Variants in MIER2 observed in about 807,000 individuals in gnomAD.
The protein encoded by MIER2 is MIER family member 2.
MIER2 carries 30 observed loss-of-function variants against 67.6 expected under a neutral mutation model. The observed-to-expected ratio is 0.44, with a 90% CI of 0.33 to 0.60. The LOEUF is 0.60. Ranked by LOEUF, MIER2 falls within the 20% of genes least tolerant of loss-of-function variation. The pLI, the probability that MIER2 is intolerant of heterozygous loss-of-function variation, is 0.02. For missense variants in MIER2, 702 were observed against 745.1 expected (o/e 0.94, Z 0.67); for synonymous variants, 372 against 312.6 (o/e 1.19, Z -2.00).
At chr19:323,710 G>A (rs546865165) in intron 7 of MIER2, among the ~76,000 whole-genome samples, 20 of 130,762 alleles carry the variant, frequency 1.5e-4, no homozygotes, top group South Asian at 7.9e-4. Context: ...CAAGACACAC[G>A]CAACCACACA....
At chr19:344,092 T>C (rs1972628609) in intron 1 of MIER2, 1 of 985,322 alleles carries the variant, frequency 1.0e-6, no homozygotes, top group Non-Finnish European at 1.2e-6. Flanking sequence ...GCTTGTTTCC[T>C]GGACGAGGGA....
chr19:307,693 C>T (rs974465279), intron 12 of MIER2, among the ~76,000 whole-genome samples, 157 bp from the exon 13 acceptor site: 3 of 152,316 alleles, frequency 2.0e-5, no homozygotes, highest in Non-Finnish European at 4.4e-5. Flanking sequence ...CTGAAATCCG[C>T]GAGCCCCAGG....
At chr19:327,323 T>C (rs7250846) in intron 4 of MIER2, 67 bp from the exon 5 acceptor site, 151,258 of 1,522,184 alleles carry the variant, frequency 0.099, 9,430 homozygotes, top group African/African-American at 0.27. Context: ...CCACTAATGA[T>C]AACAACAGTA....
At chr19:311,259 T>G (rs868639951) in intron 10 of MIER2, among the ~76,000 whole-genome samples, 2 of 152,206 alleles carry the variant, frequency 1.3e-5, no homozygotes, top group South Asian at 4.1e-4. Flanking sequence ...GCCAGAGATG[T>G]CTGACTGCCA....
intron 7 of MIER2, among the ~76,000 whole-genome samples, chr19:320,396 G>GATAC (rs1457956762): frequency 6.6e-6 from 1 of 151,334 alleles, no homozygotes; most frequent in Non-Finnish European, 1.5e-5. Context: ...TAAATAGATA[G>GATAC]ATAGATAAAT....
In MIER2 at chr19:327,257, C is replaced by CT. The variant is rs1250805972; in HGVS notation, c.370-2dup. 2.6e-6 allele frequency: 4 copies of CT among 1,561,554 alleles called. No individual in the cohort carries two copies. The highest frequency in any genetic ancestry group is 2.2e-5 in the Admixed American group (1 of 46,318). ...AAAGCAAATCCTTCGCTATTTGTTC[C>CT]TTTAAAAAAAAAAAAAAAAGTAAAG... is the stretch of plus-strand genomic sequence containing the variant. On this transcript the variant is annotated splice_acceptor_variant, in intron 4 of 13. Coordinates refer to ENST00000264819, the MANE Select transcript of MIER2 (RefSeq NM_017550.3). LOFTEE classifies it high-confidence loss of function.
At position 308,934 on chromosome 19, in the gene MIER2, A is replaced by G. The variant is rs2145331645; in HGVS notation, c.985-9T>C. The G allele has an allele frequency of 1.9e-6, 3 of 1,592,870 alleles. No homozygotes were observed. The highest frequency in any genetic ancestry group is 2.2e-5 in the South Asian group (2 of 90,370). ...ACTGACCGTGTGCGCACCTGCGGGG[A>G]GGGGTCAGGAGCCATCTCTGTCCCC... On this transcript the variant is annotated splice_polypyrimidine_tract_variant and intron_variant, in intron 10 of 13. Coordinates refer to ENST00000264819, the MANE Select transcript of MIER2 (RefSeq NM_017550.3). The surrounding 1 kb of genome is among the most constrained non-coding windows in gnomAD (Gnocchi z 9.1).
In MIER2 at chr19:308,709, GC is replaced by G. The variant is rs746842486; in HGVS notation, c.1110-45del. ...ATGAGGGGCGGCAGACAGGACAGAC[GC>G]CCCCACCCAAGAGGTGCCGCCCAGG... On this transcript the variant is annotated intron_variant, in intron 11 of 13. Coordinates refer to ENST00000264819, the MANE Select transcript of MIER2 (RefSeq NM_017550.3). The surrounding 1 kb of genome is among the most constrained non-coding windows in gnomAD (Gnocchi z 9.1). 1 of 1,595,296 alleles carries G rather than the reference GC, an allele frequency of 6.3e-7. No individual in the cohort carries two copies. Among genetic ancestry groups the G allele is most frequent in the South Asian group, 1.1e-5 (1 of 89,802 alleles).
intron 7 of MIER2, among the ~76,000 whole-genome samples, chr19:316,837 C>T (rs973912356): frequency 1.3e-5 from 2 of 151,892 alleles, no homozygotes; most frequent in African/African-American, 4.8e-5. Flanking sequence ...GGGATGGTGG[C>T]GTGTGCCTGT....
In MIER2 at chr19:311,866, A is replaced by C; in HGVS notation, c.963T>G (p.Phe321Leu). 1 of 1,614,080 alleles carries C rather than the reference A, an allele frequency of 6.2e-7. No homozygotes were observed. The highest frequency in any genetic ancestry group is 8.5e-7 in the Non-Finnish European group (1 of 1,179,956). The change falls in exon 10 of 14, where the codon TTT becomes TTG. Residue 321 changes from phenylalanine to leucine, a missense_variant. By Grantham distance (22) the Phe-to-Leu change is conservative. Transcript: ENST00000264819. ...GCACCTTGTTGGCCTGGATCAGGTG[A>C]AAGTTCTTTCCATGCACACGGAAGC... ...EHGFRVHGKNFHLIQANKVRT... is the reference protein window; with the variant it reads ...EHGFRVHGKNLHLIQANKVRT...
In MIER2 at chr19:305,697, A is replaced by G. The variant is rs958012896; in HGVS notation, c.*993T>C. 1.2e-4 allele frequency: 19 copies of G among 152,594 alleles called. No individual in the cohort carries two copies. The highest frequency in any genetic ancestry group is 4.6e-4 in the African/African-American group (19 of 41,472). The allele number at this position is 152,594 out of a possible 1,614,324, so 9.5% of individuals were successfully genotyped here. A position where few individuals can be genotyped will look rare whatever the true frequency, so the allele number is the denominator to read the frequency against. On this transcript the variant is annotated 3_prime_UTR_variant, in exon 14 of 14. Transcript: ENST00000264819. ...GTCCAACTCGGAAAGGGGCTCGAGC[A>G]CAAGAGGCCGGACGACACCCGGGGC...
At chr19:310,477 C>T (rs928857789) in intron 10 of MIER2, among the ~76,000 whole-genome samples, 37 of 110,524 alleles carry the variant, frequency 3.3e-4, no homozygotes, top group African/African-American at 1.6e-3. Flanking sequence ...AGGACCTGCC[C>T]GGAGCTCCAG....
At chr19:311,812 G>A (rs1366233930) in intron 10 of MIER2, 33 bp downstream of exon 10, 1 of 1,608,506 alleles carries the variant, frequency 6.2e-7, no homozygotes. Flanking sequence ...AGATCGAGAA[G>A]CCCCCGGTGG....
At chr19:329,495 C>T (rs1187612090) in intron 3 of MIER2, among the ~76,000 whole-genome samples, 2 of 152,170 alleles carry the variant, frequency 1.3e-5, no homozygotes, top group African/African-American at 4.8e-5. Flanking sequence ...CCGGCAAGAG[C>T]CCAGTGCCCG....
intron 1 of MIER2, among the ~76,000 whole-genome samples, chr19:339,463 C>T (rs1255534745): frequency 2.6e-5 from 4 of 152,158 alleles, no homozygotes; most frequent in South Asian, 4.1e-4. Context: ...TTGACAAGAA[C>T]GTGGACAAAG....
chr19:326,514 C>A lies in MIER2; in HGVS notation c.578G>T (p.Cys193Phe), dbSNP rs2145472526. 6.2e-7 allele frequency: 1 copy of A among 1,613,914 alleles called. No individual in the cohort carries two copies. Among genetic ancestry groups the A allele is most frequent in the Non-Finnish European group, 8.5e-7 (1 of 1,179,778 alleles). ...GATGGCAGAACCACGTACCTTCTTA[C>A]ATTTGTTGGCAGGAAGAGAGTCCTC... Reference protein sequence around the residue: ...TEEDSLPANKCKKEIMVGPQF... With the variant: ...TEEDSLPANKFKKEIMVGPQF... The change falls in exon 6 of 14, where the codon TGT becomes TTT. Residue 193 changes from cysteine (C) to phenylalanine (F), a missense_variant. By Grantham distance (205) the Cys-to-Phe change is radical (BLOSUM62 -2). Transcript: ENST00000264819.
chr19:340,994 T>A (rs1325402152), intron 1 of MIER2, among the ~76,000 whole-genome samples: 1 of 152,222 alleles, frequency 6.6e-6, no homozygotes, highest in East Asian at 1.9e-4. Context: ...GGCCTGGGTC[T>A]GGCAGAGATG....
intron 7 of MIER2, 81 bp downstream of exon 7, chr19:325,554 A>T (rs1971700772): frequency 7.9e-6 from 12 of 1,526,780 alleles, no homozygotes; most frequent in Non-Finnish European, 1.1e-5. Context: ...ACCTGACCAG[A>T]CTGTCCAAGG....
chr19:316,996 A>G (rs533975312), intron 7 of MIER2, among the ~76,000 whole-genome samples: 9 of 152,326 alleles, frequency 5.9e-5, no homozygotes, highest in Admixed American at 1.3e-4. Flanking sequence ...TGATAAGTCA[A>G]TAATTCATGT....
Sources: allele counts gnomAD v4.1 joint callset (sites outside exome capture counted in the v4.1 genomes callset), GRCh38; gene constraint gnomAD v4.1.1; non-coding constraint Gnocchi (gnomAD v3.1); transcripts MANE v1.5; gene names NCBI Gene and HGNC (gene_info 2026-07-23, HGNC 2026-07-21).